LINGO2: variants seen among roughly 807,000 people sequenced by gnomAD.
LINGO2 encodes the protein leucine-rich repeat and immunoglobulin-like domain-containing nogo receptor-interacting protein 2.
LINGO2 carries 14 observed loss-of-function variants against 30.6 expected under a neutral mutation model. That is an observed-to-expected ratio of 0.46 (90% CI 0.30 to 0.72). The LOEUF is 0.72. LINGO2 is among the 30% of genes least tolerant of loss of function. The pLI, the probability that LINGO2 is intolerant of heterozygous loss-of-function variation, is 0.07. For missense variants in LINGO2, 729 were observed against 751.7 expected, an observed-to-expected ratio of 0.97 and a Z score of 0.35; for synonymous variants, 317 against 288.5, an observed-to-expected ratio of 1.10 and a Z score of -1.00.
At chr9:28,380,389 G>GT (rs199875137) in intron 2 of LINGO2, among the ~76,000 whole-genome samples, 2,708 of 30,922 alleles carry the variant, frequency 0.088, 22 homozygotes, top group Admixed American at 0.14. Flanking sequence ...TGACTATAAA[G>GT]GTTTTTTTTT....
chr9:28,348,422 A>G (rs2134425875), intron 3 of LINGO2, among the ~76,000 whole-genome samples: 1 of 152,312 alleles, frequency 6.6e-6, no homozygotes, highest in African/African-American at 2.4e-5. Context: ...CTCCCACCAG[A>G]ATACTGCGCT....
At chr9:28,374,910 C>T (rs1333508296) in intron 2 of LINGO2, among the ~76,000 whole-genome samples, 1 of 151,892 alleles carries the variant, frequency 6.6e-6, no homozygotes. Flanking sequence ...TGAAGGCAAA[C>T]AAAAACAGGA....
the LINGO2 span, among the ~76,000 whole-genome samples, chr9:28,750,044 C>T: frequency 1.3e-5 from 2 of 152,016 alleles, no homozygotes; most frequent in African/African-American, 4.8e-5. Context: ...GTTGGAGAAA[C>T]CAAATTTAGG....
At chr9:28,981,444 A>T in the LINGO2 span, among the ~76,000 whole-genome samples, 4 of 152,120 alleles carry the variant, frequency 2.6e-5, no homozygotes, top group East Asian at 7.7e-4. Flanking sequence ...CACTCATGAA[A>T]TTTCCCTTTT....
the LINGO2 span, among the ~76,000 whole-genome samples, chr9:29,082,580 T>C: frequency 1.5e-3 from 223 of 151,894 alleles, no homozygotes; most frequent in Non-Finnish European, 2.5e-3. Context: ...AATTGAAAAA[T>C]GGGATCTAAT....
chr9:28,152,129 A>C (rs1284453440), intron 4 of LINGO2, among the ~76,000 whole-genome samples: 1 of 152,124 alleles, frequency 6.6e-6, no homozygotes, highest in Non-Finnish European at 1.5e-5. Flanking sequence ...CCCATGTTGA[A>C]ATTTGATCCC....
chr9:28,089,919 G>C (rs957428776), intron 4 of LINGO2, among the ~76,000 whole-genome samples: 1 of 152,138 alleles, frequency 6.6e-6, no homozygotes, highest in African/African-American at 2.4e-5. Flanking sequence ...ACTACCATCA[G>C]AGAATACTAT....
chr9:28,362,761 G>A (rs1489918021), intron 3 of LINGO2, among the ~76,000 whole-genome samples: 2 of 152,116 alleles, frequency 1.3e-5, no homozygotes, highest in African/African-American at 4.8e-5. Context: ...GAGCCACCAC[G>A]CCCGACCCAG....
rs558955673 is a variant in LINGO2 at position 28,613,209 on chromosome 9, G to C, written c.-365+56991C>G. Among the ~76,000 whole-genome samples the C allele has an allele frequency of 9.2e-5, 14 of 152,194 alleles. No homozygotes were observed. The South Asian group carries it at 2.9e-3, about 32-fold the overall frequency. On this transcript the variant is annotated intron_variant, in intron 1 of 5. Transcript: ENST00000379992. ...CAGTCTTGGGCAATGCTTTATAGCAGTTTGAAAATGGACTAATACAGATAC... is the reference window on the plus strand; with the variant it reads ...CAGTCTTGGGCAATGCTTTATAGCACTTTGAAAATGGACTAATACAGATAC...
At chr9:28,041,724 C>G (rs1824202928) in intron 4 of LINGO2, among the ~76,000 whole-genome samples, 1 of 152,152 alleles carries the variant, frequency 6.6e-6, no homozygotes, top group Admixed American at 6.5e-5. Flanking sequence ...ATTATCAGTT[C>G]AGGACCACAC....
At chr9:28,138,537 G>A (rs535292596) in intron 4 of LINGO2, among the ~76,000 whole-genome samples, 25 of 152,244 alleles carry the variant, frequency 1.6e-4, no homozygotes, top group African/African-American at 5.5e-4. Context: ...GTGAGATAAT[G>A]TAATTTTCCT....
the LINGO2 span, among the ~76,000 whole-genome samples, chr9:29,158,978 C>A: frequency 6.4e-3 from 969 of 152,282 alleles, 15 homozygotes; most frequent in African/African-American, 0.022. Context: ...TATCCAGCCT[C>A]AGTGCCTAAC....
intron 4 of LINGO2, among the ~76,000 whole-genome samples, chr9:28,169,902 T>A (rs1420154667): frequency 6.6e-6 from 1 of 152,206 alleles, no homozygotes; most frequent in Non-Finnish European, 1.5e-5. Context: ...TCTGTTTGAA[T>A]GTCATCTTTC....
At chr9:28,429,147 C>T (rs1308367095) in intron 2 of LINGO2, among the ~76,000 whole-genome samples, 2 of 152,120 alleles carry the variant, frequency 1.3e-5, no homozygotes, top group East Asian at 3.9e-4. Context: ...TTGCTTAGCA[C>T]ATTTATCTGT....
At chr9:28,790,312 T>G in the LINGO2 span, among the ~76,000 whole-genome samples, 1 of 146,320 alleles carries the variant, frequency 6.8e-6, no homozygotes, top group Non-Finnish European at 1.5e-5. Flanking sequence ...TTTACCCATC[T>G]TTTCTTTTCT....
In LINGO2 at chr9:28,272,994, T is replaced by C. The variant is rs116940198; in HGVS notation, c.-87+22214A>G. 4.2e-3 allele frequency among the ~76,000 whole-genome samples: 633 copies of C among 152,254 alleles called. 4 individuals carry two copies. Among genetic ancestry groups the C allele is most frequent in the Non-Finnish European group, 6.8e-3 (464 of 68,030 alleles). On this transcript the variant is annotated intron_variant, in intron 4 of 5. Transcript: ENST00000379992. Reference sequence around the variant, plus strand: ...AATAAAGCTCCCAGCTCATTTTGAGTCACTTAAATTATTACCTTTTGACCT... The same window carrying C: ...AATAAAGCTCCCAGCTCATTTTGAGCCACTTAAATTATTACCTTTTGACCT...
At chr9:28,084,226 T>C (rs2133231505) in intron 4 of LINGO2, among the ~76,000 whole-genome samples, 1 of 152,278 alleles carries the variant, frequency 6.6e-6, no homozygotes, top group East Asian at 1.9e-4. Flanking sequence ...AGAGACAACT[T>C]TGTTGGTACT....
At chr9:28,527,316 T>C (rs1354897284) in intron 1 of LINGO2, among the ~76,000 whole-genome samples, 1 of 152,286 alleles carries the variant, frequency 6.6e-6, no homozygotes, top group East Asian at 1.9e-4. Flanking sequence ...GTCATAAACA[T>C]CTCATTAGTT....
intron 4 of LINGO2, among the ~76,000 whole-genome samples, chr9:28,051,056 A>G (rs572013641): frequency 1.3e-5 from 2 of 150,844 alleles, no homozygotes; most frequent in South Asian, 2.1e-4. Flanking sequence ...TCCAGCTTTT[A>G]GCTAACTCCT....
Sources: gnomAD v4.1 joint callset for allele counts (sites outside exome capture counted in the v4.1 genomes callset) on GRCh38, gnomAD v4.1.1 for gene constraint, MANE v1.5 for transcripts, NCBI Gene and HGNC (gene_info 2026-07-23, HGNC 2026-07-21) for gene names.